The following CCDC7 variants were observed in gnomAD, a reference collection of about 807,000 sequenced individuals.
The protein encoded by CCDC7 is coiled-coil domain containing 7, also known as coiled-coil domain-containing protein 7.
In CCDC7, 183 loss-of-function variants were observed where a neutral mutation model predicts 196.9. The ratio of observed to expected loss-of-function variants is 0.93; its 90% CI spans 0.82 to 1.05. The LOEUF is 1.05. CCDC7 is among the 50% of genes least tolerant of loss of function. The pLI, the probability that CCDC7 is intolerant of heterozygous loss-of-function variation, is 0.00. For synonymous variants in CCDC7, 525 were observed against 484.6 expected (o/e 1.08, Z -1.10); for missense variants, 1,540 against 1,482.2 (o/e 1.04, Z -0.64).
chr10:32,644,257 G>A (rs559001567), intron 20 of CCDC7, among the ~76,000 whole-genome samples: 1 of 152,140 alleles, frequency 6.6e-6, no homozygotes, highest in Admixed American at 6.5e-5. Flanking sequence ...AATGTTATTT[G>A]CTGTAGTACC....
At chr10:32,748,508 G>A (rs1044324783) in intron 28 of CCDC7, among the ~76,000 whole-genome samples, 5 of 151,904 alleles carry the variant, frequency 3.3e-5, no homozygotes, top group Admixed American at 3.3e-4. Context: ...TTGTCTGTTA[G>A]TGTGCATTGT....
intron 8 of CCDC7, among the ~76,000 whole-genome samples, chr10:32,474,398 A>T (rs1588942982): frequency 2.1e-5 from 3 of 146,130 alleles, no homozygotes; most frequent in Admixed American, 6.8e-5. Context: ...TAACTTTTGT[A>T]TTTTTTTTTC....
chr10:32,811,969 A>G (rs1360768794), intron 30 of CCDC7, among the ~76,000 whole-genome samples: 1 of 152,076 alleles, frequency 6.6e-6, no homozygotes, highest in Non-Finnish European at 1.5e-5. Context: ...AAACCATATA[A>G]TCACCTCAGT....
chr10:32,518,558 T>G, intron 11 of CCDC7, 53 bp downstream of exon 12: 3 of 1,393,440 alleles, frequency 2.2e-6, no homozygotes, highest in Non-Finnish European at 1.9e-6. Context: ...AGGCTTATTA[T>G]GTTAGGATAG....
At chr10:32,586,060 C>T (rs57212318) in intron 18 of CCDC7, among the ~76,000 whole-genome samples, 8,078 of 152,232 alleles carry the variant, frequency 0.053, 714 homozygotes, top group African/African-American at 0.18. Context: ...TTTTAATGAT[C>T]ACCATTCTAA....
intron 11 of CCDC7, among the ~76,000 whole-genome samples, chr10:32,530,021 A>G (rs898340496): frequency 6.6e-6 from 1 of 152,140 alleles, no homozygotes; most frequent in African/African-American, 2.4e-5. Flanking sequence ...CATTTGTTGA[A>G]TAGGGTGTCC....
chr10:32,754,842 A>G (rs917908670), intron 28 of CCDC7, among the ~76,000 whole-genome samples: 1 of 152,182 alleles, frequency 6.6e-6, no homozygotes, highest in African/African-American at 2.4e-5. Context: ...AGGAAGTGCA[A>G]GGGGTTAGGG....
intron 31 of CCDC7, 92 bp downstream of exon 32, chr10:32,814,545 C>G: frequency 1.2e-6 from 1 of 855,716 alleles, no homozygotes. Flanking sequence ...AGAACAGTGC[C>G]TATGAATTAT....
intron 29 of CCDC7, 62 bp from the exon 31 acceptor site, chr10:32,804,953 C>A (rs2085520986): frequency 2.2e-6 from 2 of 927,538 alleles, no homozygotes; most frequent in Non-Finnish European, 3.5e-6. Flanking sequence ...ACACACACAC[C>A]CCTCACATTC....
intron 26 of CCDC7, among the ~76,000 whole-genome samples, chr10:32,728,378 A>G (rs1157542247): frequency 6.6e-6 from 1 of 152,148 alleles, no homozygotes; most frequent in East Asian, 1.9e-4. Flanking sequence ...CATTGGGTGC[A>G]AATTAGCTCT....
upstream of CCDC7, among the ~76,000 whole-genome samples, chr10:32,446,787 C>T (rs1198437722): frequency 6.6e-6 from 1 of 152,102 alleles, no homozygotes; most frequent in Non-Finnish European, 1.5e-5. Context: ...TATTTGCTTG[C>T]TAATACGAGT....
chr10:32,705,383 A>G (rs780872043), intron 24 of CCDC7, among the ~76,000 whole-genome samples: 7 of 152,150 alleles, frequency 4.6e-5, no homozygotes, highest in Non-Finnish European at 8.8e-5. Context: ...TGTAAAGACC[A>G]TCGATGCTAG....
At chr10:32,775,091 G>T (rs1278912090) in intron 28 of CCDC7, among the ~76,000 whole-genome samples, 1 of 152,076 alleles carries the variant, frequency 6.6e-6, no homozygotes, top group African/African-American at 2.4e-5. Context: ...CATCAGTGTG[G>T]TTTCTTCTTC....
intron 22 of CCDC7, 151 bp downstream of exon 23, chr10:32,686,231 A>C (rs1487890694): frequency 2.0e-6 from 1 of 506,522 alleles, no homozygotes; most frequent in Non-Finnish European, 3.5e-6. Context: ...CAAAAGCTAG[A>C]GTATTTATCA....
chr10:32,707,283 A>G (rs1256452374), intron 24 of CCDC7, among the ~76,000 whole-genome samples: 1 of 152,224 alleles, frequency 6.6e-6, no homozygotes, highest in Non-Finnish European at 1.5e-5. Context: ...GTTCATGCTA[A>G]AGACTCTCAA....
At chr10:32,669,273 A>G (rs1463091798) in intron 21 of CCDC7, among the ~76,000 whole-genome samples, 1 of 152,030 alleles carries the variant, frequency 6.6e-6, no homozygotes, top group Non-Finnish European at 1.5e-5. Flanking sequence ...TTCTTCTTTG[A>G]ATGTGCTGTC....
At chr10:32,527,308 C>T (rs2048828810) in intron 11 of CCDC7, among the ~76,000 whole-genome samples, 1 of 152,194 alleles carries the variant, frequency 6.6e-6, no homozygotes, top group African/African-American at 2.4e-5. Context: ...ATAGCATCAG[C>T]ATTTAATACT....
At chr10:32,577,866 G>A (rs760008519) in intron 16 of CCDC7, among the ~76,000 whole-genome samples, 3 of 152,164 alleles carry the variant, frequency 2.0e-5, no homozygotes, top group Non-Finnish European at 4.4e-5. Flanking sequence ...TAGGAATGTC[G>A]GGTTGAAGAG....
intron 13 of CCDC7, among the ~76,000 whole-genome samples, chr10:32,544,751 T>C (rs1355117798): frequency 1.3e-5 from 2 of 152,158 alleles, no homozygotes; most frequent in Non-Finnish European, 2.9e-5. Flanking sequence ...CATTTTAAGA[T>C]GCAACGAAAA....
Sources: gnomAD v4.1 joint callset for allele counts (sites outside exome capture counted in the v4.1 genomes callset) on GRCh38, gnomAD v4.1.1 for gene constraint, MANE v1.5 for transcripts, NCBI Gene and HGNC (gene_info 2026-07-23, HGNC 2026-07-21) for gene names.